The following TNFSF4 variants were observed in gnomAD, a reference collection of about 807,000 sequenced individuals.
TNFSF4 encodes TNF superfamily member 4, also known as tumor necrosis factor ligand superfamily member 4.
A neutral mutation model predicts 7.3 loss-of-function variants in TNFSF4; 4 were observed. That is an observed-to-expected ratio of 0.55 (90% CI 0.27 to 1.25). The LOEUF (loss-of-function observed/expected upper bound fraction) is 1.25. Ranked by LOEUF, TNFSF4 falls within the 50% of genes most tolerant of loss-of-function variation. The pLI, the probability that TNFSF4 is intolerant of heterozygous loss-of-function variation, is 0.12. For missense variants in TNFSF4, 181 were observed against 208.8 expected, an observed-to-expected ratio of 0.87 and a Z score of 0.82; for synonymous variants, 76 against 83.7, an observed-to-expected ratio of 0.91 and a Z score of 0.50.
chr1:173,442,538 C>G, the TNFSF4 span, among the ~76,000 whole-genome samples: 5 of 130,234 alleles, frequency 3.8e-5, no homozygotes, highest in Middle Eastern at 4.1e-3. Context: ...TTTGGTTTTT[C>G]GTTTTTGTTT....
the TNFSF4 span, among the ~76,000 whole-genome samples, chr1:173,403,970 A>ATTT: frequency 6.6e-6 from 1 of 152,168 alleles, no homozygotes; most frequent in Admixed American, 6.5e-5. Flanking sequence ...GAAGGGGGAA[A>ATTT]TATAAAAGAG....
chr1:173,198,173 A>T (rs1406929253), intron 1 of TNFSF4, among the ~76,000 whole-genome samples: 1 of 152,224 alleles, frequency 6.6e-6, no homozygotes, highest in Non-Finnish European at 1.5e-5. Flanking sequence ...TGAGAAGGCA[A>T]CCTGGTAGAC....
the TNFSF4 span, among the ~76,000 whole-genome samples, chr1:173,282,813 T>G: frequency 2.0e-5 from 3 of 152,206 alleles, no homozygotes; most frequent in Non-Finnish European, 4.4e-5. Context: ...GTGATGACTC[T>G]TTCATTTTGT....
the TNFSF4 span, among the ~76,000 whole-genome samples, chr1:173,263,064 A>T: frequency 2.0e-5 from 3 of 152,250 alleles, no homozygotes; most frequent in Admixed American, 2.0e-4. Flanking sequence ...TAAAATACAT[A>T]GGAATACAGC....
At chr1:173,322,068 C>T in the TNFSF4 span, among the ~76,000 whole-genome samples, 39 of 152,236 alleles carry the variant, frequency 2.6e-4, no homozygotes, top group Admixed American at 1.1e-3. Flanking sequence ...CCAACCCAAA[C>T]GCCGATTAAT....
the TNFSF4 span, among the ~76,000 whole-genome samples, chr1:173,236,800 G>A: frequency 3.3e-5 from 5 of 152,122 alleles, no homozygotes; most frequent in Admixed American, 2.0e-4. Context: ...TCTCACAGGA[G>A]TACAAAATAG....
At chr1:173,380,319 C>T in the TNFSF4 span, among the ~76,000 whole-genome samples, 4 of 152,028 alleles carry the variant, frequency 2.6e-5, no homozygotes, top group Admixed American at 6.6e-5. Context: ...TTTGTAGTCC[C>T]CTGCTTGAGG....
the TNFSF4 span, among the ~76,000 whole-genome samples, chr1:173,272,234 A>T: frequency 6.6e-6 from 1 of 152,046 alleles, no homozygotes; most frequent in African/African-American, 2.4e-5. Flanking sequence ...TAGGAGAAAT[A>T]CCTAATGTAA....
the TNFSF4 span, among the ~76,000 whole-genome samples, chr1:173,349,250 G>A: frequency 3.3e-5 from 5 of 152,086 alleles, no homozygotes; most frequent in East Asian, 1.9e-4. Flanking sequence ...GGATGGTCTC[G>A]ATCTCCCGAC....
At chr1:173,337,392 G>C in the TNFSF4 span, among the ~76,000 whole-genome samples, 1 of 152,268 alleles carries the variant, frequency 6.6e-6, no homozygotes, top group Admixed American at 6.5e-5. Flanking sequence ...TCAAAGGGAA[G>C]TGGTAAATAT....
the TNFSF4 span, among the ~76,000 whole-genome samples, chr1:173,228,122 A>G: frequency 6.6e-6 from 1 of 152,178 alleles, no homozygotes; most frequent in Non-Finnish European, 1.5e-5. Flanking sequence ...GAACAGATAG[A>G]CTGCCTCCTC....
the TNFSF4 span, among the ~76,000 whole-genome samples, chr1:173,251,610 T>G: frequency 6.6e-6 from 1 of 152,246 alleles, no homozygotes. Flanking sequence ...CTTGCAGCTG[T>G]GTGACCTTGC....
the TNFSF4 span, among the ~76,000 whole-genome samples, chr1:173,416,107 C>T: frequency 6.6e-6 from 1 of 152,164 alleles, no homozygotes; most frequent in African/African-American, 2.4e-5. Context: ...AGAGCCAACC[C>T]AGGCTCTCCT....
chr1:173,368,422 A>C, the TNFSF4 span, among the ~76,000 whole-genome samples: 1 of 152,192 alleles, frequency 6.6e-6, no homozygotes, highest in Non-Finnish European at 1.5e-5. Flanking sequence ...ATTGCCATGC[A>C]GTGAGTACCA....
chr1:173,402,244 A>C, the TNFSF4 span, among the ~76,000 whole-genome samples: 1 of 152,306 alleles, frequency 6.6e-6, no homozygotes, highest in African/African-American at 2.4e-5. Flanking sequence ...CAGAAATAAT[A>C]ATACCTGTAC....
chr1:173,187,711 G>A lies in TNFSF4; in HGVS notation c.202+810C>T, dbSNP rs555629290. The stretch of plus-strand genomic sequence containing the variant: ...AAAGGAGGAAGTGGAGTAGGAGGCA[G>A]TGATAGACTTGGTTGTTTTGTGCAG... On this transcript the variant is annotated intron_variant, in intron 2 of 2. Transcript: ENST00000281834. Among the ~76,000 whole-genome samples, 7 of 152,320 alleles carry A rather than the reference G, an allele frequency of 4.6e-5. No homozygotes were observed. The South Asian group carries it at 1.2e-3, about 27-fold the overall frequency.
intron 1 of TNFSF4, among the ~76,000 whole-genome samples, chr1:173,202,689 G>C (rs369771581): frequency 6.6e-6 from 1 of 152,120 alleles, no homozygotes; most frequent in Admixed American, 6.5e-5. Context: ...AGAATGAAGC[G>C]TGTTCCTTTA....
chr1:173,361,763 T>C, the TNFSF4 span, among the ~76,000 whole-genome samples: 8 of 152,202 alleles, frequency 5.3e-5, no homozygotes, highest in Admixed American at 3.9e-4. Flanking sequence ...TGTTGTGAAT[T>C]TGATCAAGCT....
the TNFSF4 span, among the ~76,000 whole-genome samples, chr1:173,236,132 A>G: frequency 1.3e-5 from 2 of 152,192 alleles, no homozygotes; most frequent in Non-Finnish European, 2.9e-5. Flanking sequence ...ATGAGAGTCA[A>G]TAATCTGACT....
Sources: allele counts gnomAD v4.1 joint callset (sites outside exome capture counted in the v4.1 genomes callset), GRCh38; gene constraint gnomAD v4.1.1; transcripts MANE v1.5; gene names NCBI Gene and HGNC (gene_info 2026-07-23, HGNC 2026-07-21).